Variants in SHISA9 observed in about 807,000 individuals in gnomAD.
The protein encoded by SHISA9 is shisa family member 9, also known as protein shisa-9.
SHISA9 carries 13 observed loss-of-function variants against 38.0 expected under a neutral mutation model. The observed-to-expected ratio is 0.34, with a 90% confidence interval of 0.22 to 0.54. The LOEUF is 0.54. Ranked by LOEUF, SHISA9 falls within the 20% of genes least tolerant of loss-of-function variation. The pLI, the probability that SHISA9 is intolerant of heterozygous loss-of-function variation, is 0.91. For synonymous variants in SHISA9, 275 were observed against 242.0 expected, an observed-to-expected ratio of 1.14 and a Z score of -1.27; for missense variants, 538 against 575.8, an observed-to-expected ratio of 0.93 and a Z score of 0.67.
At chr16:13,063,101 G>C (rs1254933538) in intron 2 of SHISA9, among the ~76,000 whole-genome samples, 4 of 152,114 alleles carry the variant, frequency 2.6e-5, no homozygotes, top group Non-Finnish European at 4.4e-5. Flanking sequence ...CAGCCTCCCG[G>C]GATCAAGTGA....
rs2051011604 is a variant in SHISA9, at chr16:13,202,097, G to C, written c.692-1297G>C. Reference sequence around the variant, plus strand: ...CATTCCCATTTGGGTCTCGCCTCCTGTCTATCCATCCCATTGCTCTCAGGA... The same window carrying C: ...CATTCCCATTTGGGTCTCGCCTCCTCTCTATCCATCCCATTGCTCTCAGGA... On this transcript the variant is annotated intron_variant, in intron 2 of 4. Coordinates refer to ENST00000558583, the MANE Select transcript of SHISA9 (RefSeq NM_001145204.3). Among the ~76,000 whole-genome samples, 4 of 115,336 alleles carry C rather than the reference G, an allele frequency of 3.5e-5. 1 individual carries two copies. The South Asian group carries it at 1.1e-3, about 31-fold the overall frequency. 75.7% of individuals were successfully genotyped at this position (115,336 alleles called of 152,430 possible). A position where few individuals can be genotyped will look rare whatever the true frequency, so the allele number is the denominator to read the frequency against.
intron 2 of SHISA9, among the ~76,000 whole-genome samples, chr16:13,061,723 T>C (rs1015250418): frequency 1.3e-5 from 2 of 152,152 alleles, no homozygotes; most frequent in Non-Finnish European, 2.9e-5. Flanking sequence ...ACCAGCTACA[T>C]AATAACGTCA....
intron 2 of SHISA9, among the ~76,000 whole-genome samples, chr16:13,083,174 T>G (rs2073672434): frequency 6.6e-6 from 1 of 152,188 alleles, no homozygotes; most frequent in Admixed American, 6.5e-5. Flanking sequence ...GCAGACACTA[T>G]TTCTCCTTCT....
the SHISA9 span, among the ~76,000 whole-genome samples, chr16:13,408,903 G>A: frequency 2.0e-4 from 30 of 152,272 alleles, no homozygotes; most frequent in Admixed American, 1.0e-3. Context: ...GCCGTTTCCC[G>A]GCAAAGGCCC....
the SHISA9 span, among the ~76,000 whole-genome samples, chr16:13,305,227 T>C: frequency 6.6e-6 from 1 of 152,218 alleles, no homozygotes. Flanking sequence ...GAGTTTTTAC[T>C]ACAATCTGTC....
At chr16:13,109,055 A>C (rs947568285) in intron 2 of SHISA9, among the ~76,000 whole-genome samples, 3 of 152,176 alleles carry the variant, frequency 2.0e-5, no homozygotes, top group South Asian at 2.1e-4. Context: ...TCTGAAAATC[A>C]AAATTATTAT....
At chr16:13,554,293 A>C in the SHISA9 span, among the ~76,000 whole-genome samples, 1 of 121,776 alleles carries the variant, frequency 8.2e-6, no homozygotes, top group Non-Finnish European at 1.7e-5. Context: ...TAGTTGCTAG[A>C]GATTAAAAAA....
intron 2 of SHISA9, among the ~76,000 whole-genome samples, chr16:13,086,011 G>GA (rs1253502592): frequency 2.6e-5 from 4 of 151,856 alleles, no homozygotes; most frequent in Non-Finnish European, 4.4e-5. Context: ...ATTGTTTAAA[G>GA]AAAAAAACAG....
the SHISA9 span, among the ~76,000 whole-genome samples, chr16:13,513,223 AAGACATTTATGC>A: frequency 6.9e-4 from 105 of 152,370 alleles, no homozygotes; most frequent in African/African-American, 2.5e-3. Context: ...TTCTCAAAAG[AAGACATTTATGC>A]AGCCAACAAA....
At chr16:13,114,465 CAAAAAAAA>C (rs58742818) in intron 2 of SHISA9, among the ~76,000 whole-genome samples, 1 of 51,024 alleles carries the variant, frequency 2.0e-5, no homozygotes, top group Admixed American at 1.9e-4. Context: ...GATTCCATCT[CAAAAAAAA>C]AAAAAAAAAA....
intron 2 of SHISA9, among the ~76,000 whole-genome samples, chr16:13,169,184 A>G (rs975465793): frequency 1.3e-5 from 2 of 152,180 alleles, no homozygotes; most frequent in African/African-American, 4.8e-5. Flanking sequence ...CACCCCTCCC[A>G]GCTCCATTGG....
chr16:12,982,631 A>C (rs527294412), intron 2 of SHISA9, among the ~76,000 whole-genome samples: 1 of 152,306 alleles, frequency 6.6e-6, no homozygotes, highest in African/African-American at 2.4e-5. Flanking sequence ...TTCGTGAGAC[A>C]CCATCTCCAG....
intron 2 of SHISA9, among the ~76,000 whole-genome samples, chr16:13,174,586 GACTGGACCCCTT>G (rs2050715641): frequency 6.6e-6 from 1 of 152,236 alleles, no homozygotes; most frequent in Non-Finnish European, 1.5e-5. Flanking sequence ...GAATCTCCAG[GACTGGACCCCTT>G]ACTGGGGATG....
the SHISA9 span, among the ~76,000 whole-genome samples, chr16:13,424,453 A>G: frequency 6.6e-6 from 1 of 152,222 alleles, no homozygotes; most frequent in South Asian, 2.1e-4. Context: ...CCAAGGCAAC[A>G]CTAGCAGAAG....
chr16:13,333,966 AG>A, the SHISA9 span, among the ~76,000 whole-genome samples: 1 of 152,200 alleles, frequency 6.6e-6, no homozygotes, highest in Non-Finnish European at 1.5e-5. Context: ...CAGCCACGGA[AG>A]CTAAAAGGAT....
chr16:13,357,773 G>C, the SHISA9 span, among the ~76,000 whole-genome samples: 2 of 151,756 alleles, frequency 1.3e-5, no homozygotes, highest in East Asian at 1.9e-4. Context: ...GGTAGGAGTG[G>C]GGGTCGCAAG....
At chr16:12,976,634 G>GA in intron 2 of SHISA9, among the ~76,000 whole-genome samples, 1 of 152,150 alleles carries the variant, frequency 6.6e-6, no homozygotes, top group Admixed American at 6.5e-5. Context: ...GAATCTCTCT[G>GA]AATCATTTTA....
the SHISA9 span, among the ~76,000 whole-genome samples, chr16:13,347,839 A>ACC: frequency 1.1e-3 from 73 of 68,140 alleles, no homozygotes; most frequent in African/African-American, 2.6e-3. Flanking sequence ...AGAATAACGT[A>ACC]CCCCCCCACA....
the SHISA9 span, among the ~76,000 whole-genome samples, chr16:13,337,697 G>A: frequency 2.0e-5 from 3 of 152,192 alleles, no homozygotes; most frequent in African/African-American, 7.2e-5. Flanking sequence ...ATCTCATGTT[G>A]AATTGTAACC....
Sources: gnomAD v4.1 joint callset for allele counts (sites outside exome capture counted in the v4.1 genomes callset) on GRCh38, gnomAD v4.1.1 for gene constraint, MANE v1.5 for transcripts, NCBI Gene and HGNC (gene_info 2026-07-23, HGNC 2026-07-21) for gene names.